The following CYP17A1 variants were observed in gnomAD, a reference collection of about 807,000 sequenced individuals.
The protein encoded by CYP17A1 is steroid 17-alpha-hydroxylase/17,20 lyase.
In CYP17A1, 27 loss-of-function variants were observed where a neutral mutation model predicts 38.5. The ratio of observed to expected loss-of-function variants is 0.70; its 90% CI spans 0.52 to 0.97. The LOEUF (loss-of-function observed/expected upper bound fraction) is 0.97. Ranked by LOEUF, CYP17A1 falls within the 50% of genes least tolerant of loss-of-function variation. The pLI, the probability that CYP17A1 is intolerant of heterozygous loss-of-function variation, is 0.00. For missense variants in CYP17A1, 549 were observed against 645.9 expected (o/e 0.85, Z 1.63); for synonymous variants, 263 against 253.3 (o/e 1.04, Z -0.36).
rs56867777 is a variant in CYP17A1, at chr10:102,832,910, G to T, written c.969+83C>A. ...CAGGCCTAGTCTTCCTGCACAGAAA[G>T]CCTGAGAGAATTGGCTCTCCCTTTC... On this transcript the variant is annotated intron_variant, in intron 5 of 7. Coordinates refer to ENST00000369887, the MANE Select transcript of CYP17A1 (RefSeq NM_000102.4). The T allele has an allele frequency of 8.5e-5, 133 of 1,571,824 alleles. No homozygotes were observed. The East Asian group carries it at 2.8e-3, about 33-fold the overall frequency.
chr10:102,836,840 C>A, intron 1 of CYP17A1: 1 of 582,640 alleles, frequency 1.7e-6, no homozygotes, highest in Non-Finnish European at 3.1e-6. Flanking sequence ...TCCCATCCCA[C>A]CTCCTGGGCA....
In CYP17A1 at chr10:102,832,622, G is replaced by A; in HGVS notation, c.1028C>T (p.Thr343Ile). Residue 343 changes from threonine (T) to isoleucine (I), a missense_variant, in exon 6 of 8, where the codon ACT becomes ATT. By Grantham distance (89) the Thr-to-Ile change is moderately conservative. This residue lies in a region of CYP17A1 where 257 missense variants were observed against 307.9 expected (regional missense o/e 0.83). Transcript: ENST00000369887. ...DQNVGFSRTP[T>I]ISDRNRLLLL... Reference sequence around the variant, plus strand: ...GAGGAGACGGTTACGGTCACTGATAGTTGGTGTGCGGCTGAAACCCACATT... The same window carrying A: ...GAGGAGACGGTTACGGTCACTGATAATTGGTGTGCGGCTGAAACCCACATT... The A allele has an allele frequency of 6.2e-7, 1 of 1,605,208 alleles. No homozygotes were observed. The highest frequency in any genetic ancestry group is 8.5e-7 in the Non-Finnish European group (1 of 1,171,768).
At chr10:102,834,200 G>A (rs1564778737) in intron 3 of CYP17A1, 78 bp from the exon 4 acceptor site, 5 of 772,768 alleles carry the variant, frequency 6.5e-6, no homozygotes, top group Middle Eastern at 2.6e-4. Context: ...TCCTGGAGGC[G>A]GATCTTAGCT....
intron 7 of CYP17A1, 89 bp from the exon 8 acceptor site, chr10:102,831,074 T>A: frequency 1.1e-6 from 1 of 883,866 alleles, no homozygotes; most frequent in Non-Finnish European, 1.8e-6. Context: ...GACATGGCCC[T>A]GCCCAGGGAA....
At position 102,837,126 on chromosome 10, in the gene CYP17A1, T is replaced by C; in HGVS notation, c.236A>G (p.His79Arg). The C allele has an allele frequency of 6.3e-7, 1 of 1,596,570 alleles. No individual in the cohort carries two copies. The highest frequency in any genetic ancestry group is 8.6e-7 in the Non-Finnish European group (1 of 1,164,012). The change falls in exon 1 of 8, where the codon CAC becomes CGC. Residue 79 changes from histidine (H) to arginine (R), a missense_variant. Physicochemically the swap from His to Arg is conservative, Grantham distance 29 (BLOSUM62 0). Transcript: ENST00000369887. ...AATAAGCACCTCCTTGGCCAGCTGG[T>C]GGTGGCCGACAATCACTGTAGTCTT... ...GTKTTVIVGH[H>R]QLAKEVLIKK...
chr10:102,834,336 C>T, intron 3 of CYP17A1: 1 of 590,086 alleles, frequency 1.7e-6, no homozygotes, highest in East Asian at 2.9e-5. Flanking sequence ...GGCGTGGTCT[C>T]CACCTCTCCT....
At position 102,837,299 on chromosome 10, in the gene CYP17A1, C is replaced by A. The variant is rs1354556683; in HGVS notation, c.63G>T (p.Arg21Ser). 6 of 1,610,386 alleles carry A rather than the reference C, an allele frequency of 3.7e-6. No individual in the cohort carries two copies. The highest frequency in any genetic ancestry group is 4.2e-6 in the Non-Finnish European group (5 of 1,176,708). Residue 21 changes from arginine to serine, a missense_variant, in exon 1 of 8, where the codon AGG becomes AGT. Physicochemically the swap from Arg to Ser is moderately radical, Grantham distance 110 (BLOSUM62 -1). Coordinates refer to ENST00000369887, the MANE Select transcript of CYP17A1 (RefSeq NM_000102.4). The part of the protein sequence containing the change: ...TLAYLFWPKR[R>S]CPGAKYPKSL... ...TCTTGGGGTACTTGGCACCAGGGCA[C>A]CTTCTCTTGGGCCAAAACAAATAAG... is the stretch of plus-strand genomic sequence containing the variant.
rs746600354 is a variant in CYP17A1, at chr10:102,832,980, G to A, written c.969+13C>T. On this transcript the variant is annotated intron_variant, in intron 5 of 7. Transcript: ENST00000369887. ...GCTGGCTGGGGTCTAGGATCAATGA[G>A]GGGGAAGCACACCTGAGGATTGTGC... 1.9e-6 allele frequency: 3 copies of A among 1,613,674 alleles called. No homozygotes were observed. Among genetic ancestry groups the A allele is most frequent in the Non-Finnish European group, 2.5e-6 (3 of 1,179,750 alleles).
intron 6 of CYP17A1, 187 bp from the exon 7 acceptor site, chr10:102,831,798 C>A: frequency 9.6e-7 from 1 of 1,045,712 alleles, no homozygotes; most frequent in South Asian, 1.5e-5. Context: ...CCCTTCCCTC[C>A]TAACAGGCGC....
Position 102,833,161 on chromosome 10 carries a change from C to T in CYP17A1, c.801G>A (p.Met267Ile). The T allele has an allele frequency of 6.2e-7, 1 of 1,614,164 alleles. No homozygotes were observed. Among genetic ancestry groups the T allele is most frequent in the Non-Finnish European group, 8.5e-7 (1 of 1,180,034 alleles). ...CATTATCTGAGTTCATCTTGGCTTGCATCAGTGTGTCCAGCATGTTGGTGA... is the reference window on the plus strand; with the variant it reads ...CATTATCTGAGTTCATCTTGGCTTGTATCAGTGTGTCCAGCATGTTGGTGA... The part of the protein sequence containing the change: ...DSITNMLDTL[M>I]QAKMNSDNGN... Residue 267 changes from methionine to isoleucine, a missense_variant, in exon 5 of 8, where the codon ATG becomes ATA. By Grantham distance (10) the Met-to-Ile change is conservative. Around this residue, in one of 3 missense-constraint regions of CYP17A1, gnomAD observed 3 missense variants for 17.1 expected, o/e 0.18. Coordinates refer to ENST00000369887, the MANE Select transcript of CYP17A1 (RefSeq NM_000102.4).
chr10:102,833,425 T>G, intron 4 of CYP17A1: 2 of 762,650 alleles, frequency 2.6e-6, no homozygotes, highest in Non-Finnish European at 2.0e-6. Context: ...TCCTCTTCAG[T>G]TCCTCACTTT....
intron 2 of CYP17A1, 99 bp downstream of exon 2, chr10:102,835,155 G>A: frequency 8.3e-7 from 1 of 1,209,362 alleles, no homozygotes; most frequent in Non-Finnish European, 1.2e-6. Context: ...AGGCTGCATT[G>A]CGCTCTAGTC....
In CYP17A1 at chr10:102,832,413, G is replaced by T. The variant is rs1474726884; in HGVS notation, c.1139+98C>A. Reference sequence around the variant, plus strand: ...GTAGTTGATGGTTGACTGACTTTAGGTTGGCCAGCAGGGGCCGGGGGTAGG... The same window carrying T: ...GTAGTTGATGGTTGACTGACTTTAGTTTGGCCAGCAGGGGCCGGGGGTAGG... On this transcript the variant is annotated intron_variant, in intron 6 of 7. Transcript: ENST00000369887. The T allele has an allele frequency of 4.9e-6, 4 of 824,230 alleles. No homozygotes were observed. The African/African-American group carries it at 5.0e-5, about 10-fold the overall frequency. The allele number at this position is 824,230 out of a possible 1,614,324, so 51.1% of individuals were successfully genotyped here.
At chr10:102,835,096 C>CG (rs1844142866) in intron 2 of CYP17A1, 82 bp from the exon 3 acceptor site, 3 of 1,120,436 alleles carry the variant, frequency 2.7e-6, no homozygotes, top group East Asian at 2.4e-5. Flanking sequence ...TTAACAGGAG[C>CG]GGGGGACAGA....
intron 1 of CYP17A1, among the ~76,000 whole-genome samples, chr10:102,836,400 T>G (rs1844162273): frequency 7.3e-6 from 1 of 137,390 alleles, no homozygotes; most frequent in African/African-American, 2.8e-5. Context: ...GAGGTTGCAG[T>G]GAGCTGAGAT....
In CYP17A1 at chr10:102,835,360, C is replaced by T. The variant is rs1204597925; in HGVS notation, c.330G>A (p.Lys110=). Residue 110 remains lysine (K), a synonymous_variant, in exon 2 of 8, where the codon AAG becomes AAA. Coordinates refer to ENST00000369887, the MANE Select transcript of CYP17A1 (RefSeq NM_000102.4). ...CGCCAGAGTCAGCGAAGGCGATACC[C>T]TTACGGTTGTTGGACGCGATGTCTA... The part of the protein sequence containing the change: ...ATLDIASNNR[K]GIAFADSGAH... The T allele has an allele frequency of 8.7e-6, 14 of 1,613,128 alleles. No individual in the cohort carries two copies. Among genetic ancestry groups the T allele is most frequent in the Non-Finnish European group, 1.1e-5 (13 of 1,179,044 alleles).
intron 3 of CYP17A1, chr10:102,834,491 A>G: frequency 1.8e-6 from 1 of 564,784 alleles, no homozygotes. Flanking sequence ...AATAAAACCT[A>G]CTTCCAAGGG....
chr10:102,831,538 C>T lies in CYP17A1; in HGVS notation c.1213G>A (p.Glu405Lys). Residue 405 changes from glutamate to lysine, a missense_variant, in exon 7 of 8, where the codon GAG (glutamate) becomes AAG (lysine). Around this residue, in one of 3 missense-constraint regions of CYP17A1, gnomAD observed 257 missense variants for 307.9 expected, o/e 0.83. Transcript: ENST00000369887. ...NLWALHHNEK[E>K]WHQPDQFMPE... The stretch of plus-strand genomic sequence containing the variant: ...ATGAACTGATCCGGCTGGTGCCACT[C>T]CTTCTCATTGTGATGCAGCGCCCAC... 6.2e-7 allele frequency: 1 copy of T among 1,613,954 alleles called. No homozygotes were observed. The highest frequency in any genetic ancestry group is 8.5e-7 in the Non-Finnish European group (1 of 1,180,008).
intron 1 of CYP17A1, chr10:102,836,594 C>G (rs1412443810): frequency 5.9e-6 from 1 of 169,186 alleles, no homozygotes; most frequent in East Asian, 1.6e-4. Flanking sequence ...AGGAAAGCAG[C>G]AATCCCAGCC....
Sources: allele counts gnomAD v4.1 joint callset (sites outside exome capture counted in the v4.1 genomes callset), GRCh38; gene constraint gnomAD v4.1.1; regional missense constraint gnomAD v4.1.1; transcripts MANE v1.5; gene names NCBI Gene and HGNC (gene_info 2026-07-23, HGNC 2026-07-21).